The following SEC16A variants were observed in gnomAD, a reference collection of about 807,000 sequenced individuals.
The protein encoded by SEC16A is SEC16 homolog A, endoplasmic reticulum export factor.
Under a neutral mutation model 221.9 loss-of-function variants are expected in SEC16A, and 110 were observed. The ratio of observed to expected loss-of-function variants is 0.50; its 90% CI spans 0.42 to 0.58. The LOEUF (loss-of-function observed/expected upper bound fraction) is 0.58, where lower values mean the gene tolerates loss of function less well. SEC16A is among the 20% of genes least tolerant of loss of function. SEC16A has a pLI of 0.00. For missense variants in SEC16A, 3,165 were observed against 3,097.8 expected (o/e 1.02, Z -0.52); for synonymous variants, 1,393 against 1,257.7 (o/e 1.11, Z -2.28).
Position 136,441,468 on chromosome 9 carries a change from T to C in SEC16A, c.*287A>G, listed in dbSNP as rs1187052474. The C allele has an allele frequency of 8.4e-6, 4 of 474,788 alleles. No homozygotes were observed. The highest frequency in any genetic ancestry group is 1.6e-5 in the Non-Finnish European group (4 of 257,606). The allele number at this position is 474,788 out of a possible 1,614,324, so 29.4% of individuals were successfully genotyped here. ...CATTCTTAAATGACCAGGAATACTATATCCTTAAATCATCCTAAATGACTA... is the reference window on the plus strand; with the variant it reads ...CATTCTTAAATGACCAGGAATACTACATCCTTAAATCATCCTAAATGACTA... On this transcript the variant is annotated 3_prime_UTR_variant, in exon 32 of 32. Coordinates refer to ENST00000684901, the MANE Select transcript of SEC16A (RefSeq NM_014866.2).
chr9:136,459,073 G>T lies in SEC16A; in HGVS notation c.5409+61C>A. ...ATTCAAACAATCTAAGTAGCCAAAA[G>T]CTTGTTAGCACTGAGTGCCTGCCCA... On this transcript the variant is annotated intron_variant, in intron 17 of 31. Transcript: ENST00000684901. The surrounding 1 kb of genome is among the most constrained non-coding windows in gnomAD (Gnocchi z 6.1). The T allele has an allele frequency of 1.6e-6, 2 of 1,237,982 alleles. No homozygotes were observed. Among genetic ancestry groups the T allele is most frequent in the Non-Finnish European group, 2.3e-6 (2 of 882,262 alleles). 76.7% of individuals were successfully genotyped at this position (1,237,982 alleles called of 1,614,324 possible). A position where few individuals can be genotyped will look rare whatever the true frequency, so the allele number is the denominator to read the frequency against.
In SEC16A at chr9:136,477,651, A is replaced by G. The variant is rs1384082372; in HGVS notation, c.-36T>C. The G allele has an allele frequency of 6.4e-7, 1 of 1,558,754 alleles. No homozygotes were observed. The highest frequency in any genetic ancestry group is 8.7e-7 in the Non-Finnish European group (1 of 1,154,420). ...TTGCACAAGTCGATGCTGCTTACAG[A>G]AGGAAGCAGGATATAGCTGTTCCTT... is the stretch of plus-strand genomic sequence containing the variant. On this transcript the variant is annotated 5_prime_UTR_variant, in exon 3 of 32. Coordinates refer to ENST00000684901, the MANE Select transcript of SEC16A (RefSeq NM_014866.2).
At chr9:136,468,214 T>C (rs1211734317) in intron 5 of SEC16A, among the ~76,000 whole-genome samples, 1 of 152,254 alleles carries the variant, frequency 6.6e-6, no homozygotes, top group Non-Finnish European at 1.5e-5. Context: ...AATTTAGTAA[T>C]GAAAAATATC....
In SEC16A at chr9:136,474,332, T is replaced by A; in HGVS notation, c.3284A>T (p.Asn1095Ile). The A allele has an allele frequency of 6.2e-7, 1 of 1,612,286 alleles. No homozygotes were observed. The highest frequency in any genetic ancestry group is 8.5e-7 in the Non-Finnish European group (1 of 1,179,546). The change falls in exon 3 of 32, where the codon AAC becomes ATC. Residue 1095 changes from asparagine to isoleucine, a missense_variant. Asn to Ile is a moderately radical substitution (Grantham distance 149). Coordinates refer to ENST00000684901, the MANE Select transcript of SEC16A (RefSeq NM_014866.2). ...CAGACTTGCTGGTGACTGTGCTGAGTTCTGGGCCTGTCCCTGTGCGGGCAG... is the reference window on the plus strand; with the variant it reads ...CAGACTTGCTGGTGACTGTGCTGAGATCTGGGCCTGTCCCTGTGCGGGCAG... ...ESLPAQGQAQNSAQSPASLVL... is the reference protein window; with the variant it reads ...ESLPAQGQAQISAQSPASLVL...
At chr9:136,445,519 G>T in intron 29 of SEC16A, 126 bp downstream of exon 29, 1 of 722,812 alleles carries the variant, frequency 1.4e-6, no homozygotes, top group Non-Finnish European at 2.3e-6. Flanking sequence ...CCACCTTCGA[G>T]GTGCTCTTGT....
In SEC16A at chr9:136,476,030, C is replaced by T; in HGVS notation, c.1586G>A (p.Ser529Asn). The T allele has an allele frequency of 6.2e-7, 1 of 1,613,534 alleles. No individual in the cohort carries two copies. Among genetic ancestry groups the T allele is most frequent in the East Asian group, 2.2e-5 (1 of 44,878 alleles). The change falls in exon 3 of 32, where the codon AGC becomes AAC. Residue 529 changes from serine (S) to asparagine (N), a missense_variant. Physicochemically the swap from Ser to Asn is conservative, Grantham distance 46. Coordinates refer to ENST00000684901, the MANE Select transcript of SEC16A (RefSeq NM_014866.2). ...GGCTGAGCCTGAGAGCCTTCCGTGG[C>T]TTCTGCTGCTATAGCTGGATGACAC... ...DSVSSSYSSR[S>N]HGRLSGSARP...
At position 136,455,852 on chromosome 9, in the gene SEC16A, C is replaced by A. The variant is rs961236101; in HGVS notation, c.5665-59G>T. On this transcript the variant is annotated intron_variant, in intron 19 of 31. Transcript: ENST00000684901. ...GCCTGTGGCCGCTCTGCAGCGCTGC[C>A]CGCCTGCCACCACCGCGCTTGCTGT... The A allele has an allele frequency of 2.0e-6, 3 of 1,473,390 alleles. No homozygotes were observed. The South Asian group carries it at 3.9e-5, about 19-fold the overall frequency. 91.3% of individuals were successfully genotyped at this position (1,473,390 alleles called of 1,614,324 possible). A position where few individuals can be genotyped will look rare whatever the true frequency, so the allele number is the denominator to read the frequency against.
intron 9 of SEC16A, among the ~76,000 whole-genome samples, chr9:136,463,983 G>A (rs1170736617): frequency 6.6e-6 from 1 of 152,218 alleles, no homozygotes; most frequent in Non-Finnish European, 1.5e-5. Flanking sequence ...CAAATACTGA[G>A]GCAGAACCCC....
Position 136,466,517 on chromosome 9 carries a change from C to A in SEC16A, c.3930-55G>T, listed in dbSNP as rs553024366. 107 of 1,497,108 alleles carry A rather than the reference C, an allele frequency of 7.1e-5. No individual in the cohort carries two copies. In the South Asian group the frequency reaches 1.2e-3, roughly 17 times the overall value. 92.7% of individuals were successfully genotyped at this position (1,497,108 alleles called of 1,614,324 possible). A position where few individuals can be genotyped will look rare whatever the true frequency, so the allele number is the denominator to read the frequency against. The stretch of plus-strand genomic sequence containing the variant: ...GAATGGGAGTGCCGGAGGCCCCGTC[C>A]CCATGTGCCACGCAGCTGCCCAGGA... On this transcript the variant is annotated intron_variant, in intron 6 of 31. Coordinates refer to ENST00000684901, the MANE Select transcript of SEC16A (RefSeq NM_014866.2). This position sits in a 1 kb window ranked among gnomAD's most constrained non-coding sequence, Gnocchi z 5.5.
At chr9:136,452,558 A>G (rs1362353956) in intron 22 of SEC16A, among the ~76,000 whole-genome samples, 1 of 148,648 alleles carries the variant, frequency 6.7e-6, no homozygotes, top group African/African-American at 2.5e-5. Flanking sequence ...TGAGGTCAGG[A>G]GTTCGAGACT....
At position 136,454,195 on chromosome 9, in the gene SEC16A, T is replaced by A; in HGVS notation, c.5990A>T (p.Glu1997Val). 1 of 1,562,442 alleles carries A rather than the reference T, an allele frequency of 6.4e-7. No individual in the cohort carries two copies. Among genetic ancestry groups the A allele is most frequent in the Admixed American group, 1.9e-5 (1 of 52,024 alleles). The change falls in exon 21 of 32, where the codon GAG becomes GTG. Residue 1997 changes from glutamate (E) to valine (V), a missense_variant. Physicochemically the swap from Glu to Val is moderately radical, Grantham distance 121. Coordinates refer to ENST00000684901, the MANE Select transcript of SEC16A (RefSeq NM_014866.2). ...AGGTGGGAGGCCAGGCCCGGAGGGC[T>A]CCAGGAAGCCAAGTGCAGGCCCTGG... ...VTPGPALGFL[E>V]PSGPGLPPGV...
At position 136,459,920 on chromosome 9, in the gene SEC16A, C is replaced by G. The variant is rs1437938865; in HGVS notation, c.5074-46G>C. 1 of 1,568,758 alleles carries G rather than the reference C, an allele frequency of 6.4e-7. No individual in the cohort carries two copies. The highest frequency in any genetic ancestry group is 8.7e-7 in the Non-Finnish European group (1 of 1,150,416). On this transcript the variant is annotated intron_variant, in intron 14 of 31. Transcript: ENST00000684901. The surrounding 1 kb of genome is among the most constrained non-coding windows in gnomAD (Gnocchi z 6.1). ...ACGAAGCCTCATCCCCGGAAGCCAG[C>G]GCCATTTCAATTCCACACAGCTGGG...
At chr9:136,465,472 A>C (rs939156411) in intron 8 of SEC16A, among the ~76,000 whole-genome samples, 1 of 152,160 alleles carries the variant, frequency 6.6e-6, no homozygotes, top group Non-Finnish European at 1.5e-5. Flanking sequence ...AAAACAAACA[A>C]ACAAAAAAAC....
At chr9:136,445,597 G>C (rs1205113475) in intron 29 of SEC16A, 48 bp downstream of exon 29, 2 of 1,405,810 alleles carry the variant, frequency 1.4e-6, no homozygotes, top group Non-Finnish European at 2.0e-6. Context: ...ACAGTGAGCT[G>C]CTGGGGAGGC....
At chr9:136,477,820 ACACCC>A in intron 2 of SEC16A, 136 bp from the exon 3 acceptor site, 2 of 846,890 alleles carry the variant, frequency 2.4e-6, no homozygotes, top group Non-Finnish European at 3.5e-6. Context: ...TCTCTCCCCT[ACACCC>A]CACCCCAGCA....
At chr9:136,483,544 G>A (rs989763962), upstream of SEC16A, 36 of 984,200 alleles carry the variant, frequency 3.7e-5, no homozygotes, top group Non-Finnish European at 4.3e-5. Flanking sequence ...TGCCCGGCCA[G>A]GCGCGCCGGG....
rs1192100850 is a variant in SEC16A, at chr9:136,477,578, G to A, written c.38C>T (p.Ala13Val). ...PPPQTVPSGM[A>V]GPPPAGNPRS... ...AGGATTCCCGGCTGGAGGTGGCCCA[G>A]CCATGCCAGACGGGACCGTCTGGGG... Residue 13 changes from alanine to valine, a missense_variant, in exon 3 of 32, where the codon GCT (alanine) becomes GTT (valine). Ala to Val is a moderately conservative substitution (Grantham distance 64). Coordinates refer to ENST00000684901, the MANE Select transcript of SEC16A (RefSeq NM_014866.2). 6.2e-7 allele frequency: 1 copy of A among 1,612,514 alleles called. No individual in the cohort carries two copies. Among genetic ancestry groups the A allele is most frequent in the Non-Finnish European group, 8.5e-7 (1 of 1,179,574 alleles).
chr9:136,477,708 A>G (rs1395353185), intron 2 of SEC16A, 24 bp from the exon 3 acceptor site: 2 of 1,440,514 alleles, frequency 1.4e-6, no homozygotes, highest in African/African-American at 2.9e-5. Flanking sequence ...AGAGAAAATC[A>G]GCATAAAATC....
At chr9:136,455,560 A>G in intron 20 of SEC16A, 41 bp downstream of exon 20, 1 of 1,503,280 alleles carries the variant, frequency 6.7e-7, no homozygotes, top group South Asian at 1.3e-5. Context: ...CACAGGAAGC[A>G]GGGGCTTGTC....
Sources: gnomAD v4.1 joint callset for allele counts (sites outside exome capture counted in the v4.1 genomes callset) on GRCh38, gnomAD v4.1.1 for gene constraint, Gnocchi (gnomAD v3.1) non-coding constraint, MANE v1.5 for transcripts, NCBI Gene and HGNC (gene_info 2026-07-23, HGNC 2026-07-21) for gene names.